Variants in CPM observed in about 807,000 individuals in gnomAD.
CPM encodes carboxypeptidase M.
In CPM, 35 loss-of-function variants were observed where a neutral mutation model predicts 46.4. The ratio of observed to expected loss-of-function variants is 0.75; its 90% CI spans 0.58 to 1.00. CPM has a LOEUF of 1.00. Among genes scored for constraint, CPM ranks in the 50% least tolerant of loss-of-function variants. The probability of loss-of-function intolerance (pLI) is 0.00; values close to 1 mark genes in which losing one functional copy is unlikely to be tolerated. For synonymous variants in CPM, 195 were observed against 195.3 expected, an observed-to-expected ratio of 1.00 and a Z score of 0.01; for missense variants, 422 against 530.4, an observed-to-expected ratio of 0.80 and a Z score of 2.01.
chr12:68,894,420 G>C (rs564512513), intron 2 of CPM, among the ~76,000 whole-genome samples: 1 of 151,916 alleles, frequency 6.6e-6, no homozygotes, highest in Admixed American at 6.6e-5. Flanking sequence ...GTCTTCCCTC[G>C]GTGTTCAGGG....
intron 2 of CPM, among the ~76,000 whole-genome samples, chr12:68,916,888 CAA>C (rs779418018): frequency 2.6e-4 from 21 of 82,152 alleles, no homozygotes; most frequent in Admixed American, 2.8e-4. Flanking sequence ...ACTCTTGTCT[CAA>C]AAAAAAAAAA....
At position 68,854,385 on chromosome 12, in the gene CPM, T is replaced by G. The variant is rs966948442; in HGVS notation, c.*2052A>C. The G allele has an allele frequency of 2.0e-5, 3 of 152,230 alleles. No individual in the cohort carries two copies. The highest frequency in any genetic ancestry group is 2.9e-5 in the Non-Finnish European group (2 of 68,040). 9.4% of individuals were successfully genotyped at this position (152,230 alleles called of 1,614,324 possible). A position where few individuals can be genotyped will look rare whatever the true frequency, so the allele number is the denominator to read the frequency against. On this transcript the variant is annotated 3_prime_UTR_variant, in exon 9 of 9. Transcript: ENST00000551568. The stretch of plus-strand genomic sequence containing the variant: ...GACCTTGGCCTCAAAGAGCTCACAT[T>G]CTACTAGAGAAGGCACACATGGAGA...
At chr12:68,945,294 T>A (rs567943219) in intron 1 of CPM, among the ~76,000 whole-genome samples, 1 of 152,324 alleles carries the variant, frequency 6.6e-6, no homozygotes, top group South Asian at 2.1e-4. Flanking sequence ...CCTCCCATGG[T>A]TAGCTCTTTG....
chr12:68,910,645 AT>A (rs1348106051), intron 2 of CPM, among the ~76,000 whole-genome samples: 1 of 152,150 alleles, frequency 6.6e-6, no homozygotes, highest in East Asian at 1.9e-4. Flanking sequence ...TTAAACTATT[AT>A]TTTTTTAAAA....
intron 3 of CPM, among the ~76,000 whole-genome samples, chr12:68,873,687 A>T (rs987649081): frequency 2.0e-5 from 3 of 149,148 alleles, no homozygotes; most frequent in Non-Finnish European, 4.5e-5. Context: ...AAAAAAAAAG[A>T]AAGAAAGAAA....
upstream of CPM, among the ~76,000 whole-genome samples, chr12:68,935,935 C>T (rs1378809367): frequency 6.6e-6 from 1 of 152,060 alleles, no homozygotes; most frequent in Non-Finnish European, 1.5e-5. Context: ...ATGGTGGCTT[C>T]ATCAATACTG....
intron 1 of CPM, among the ~76,000 whole-genome samples, chr12:68,948,248 T>C (rs1224750766): frequency 6.6e-6 from 1 of 152,152 alleles, no homozygotes; most frequent in Non-Finnish European, 1.5e-5. Context: ...CCGCTAACAA[T>C]TTATTTTTTG....
At chr12:68,869,249 G>T in intron 6 of CPM, 76 bp downstream of exon 6, 1 of 1,418,024 alleles carries the variant, frequency 7.1e-7, no homozygotes, top group African/African-American at 1.4e-5. Flanking sequence ...TTTAACAACT[G>T]CTGGATCAAA....
At chr12:68,871,575 G>C in intron 4 of CPM, 1 of 570,934 alleles carries the variant, frequency 1.8e-6, no homozygotes, top group South Asian at 2.3e-5. Context: ...AGGCTAGGTG[G>C]GCACCGGGGC....
At chr12:68,961,508 C>A (rs1889111882) in intron 1 of CPM, among the ~76,000 whole-genome samples, 1 of 152,072 alleles carries the variant, frequency 6.6e-6, no homozygotes, top group Non-Finnish European at 1.5e-5. Context: ...CCCAGGTTGA[C>A]CTTGAACTCC....
chr12:68,921,468 TG>T (rs1888041004), intron 2 of CPM, among the ~76,000 whole-genome samples: 1 of 152,116 alleles, frequency 6.6e-6, no homozygotes, highest in South Asian at 2.1e-4. Context: ...AAGGCAGGGG[TG>T]AGTGTGATGG....
intron 2 of CPM, among the ~76,000 whole-genome samples, chr12:68,927,575 C>A: frequency 6.6e-6 from 1 of 152,058 alleles, no homozygotes; most frequent in East Asian, 1.9e-4. Flanking sequence ...TTAATTAGAT[C>A]CCATTTGTCA....
At chr12:68,895,125 G>C (rs1886817262) in intron 2 of CPM, among the ~76,000 whole-genome samples, 1 of 151,660 alleles carries the variant, frequency 6.6e-6, no homozygotes, top group Non-Finnish European at 1.5e-5. Flanking sequence ...GTGTCTACCA[G>C]GTAAATCATG....
Position 68,856,296 on chromosome 12 carries a change from GA to G in CPM, c.*140del. 1 of 951,680 alleles carries G rather than the reference GA, an allele frequency of 1.1e-6. No homozygotes were observed. The allele number at this position is 951,680 out of a possible 1,614,324, so 59.0% of individuals were successfully genotyped here. Reference sequence around the variant, plus strand: ...CACATATTGCTTATTGTGGAATTTGGAAACATCCATTTCTCTTCTTCAGGAA... The same window carrying G: ...CACATATTGCTTATTGTGGAATTTGGAACATCCATTTCTCTTCTTCAGGAA... On this transcript the variant is annotated 3_prime_UTR_variant, in exon 9 of 9. Transcript: ENST00000551568.
At chr12:68,955,505 G>T (rs944740794) in intron 1 of CPM, among the ~76,000 whole-genome samples, 6 of 67,292 alleles carry the variant, frequency 8.9e-5, no homozygotes, top group African/African-American at 1.5e-4. Context: ...GTGTGGGGGT[G>T]GGGGGGGCAT....
intron 2 of CPM, among the ~76,000 whole-genome samples, chr12:68,886,418 G>T (rs1592661758): frequency 6.6e-6 from 1 of 152,012 alleles, no homozygotes; most frequent in Non-Finnish European, 1.5e-5. Flanking sequence ...AGATCACGAG[G>T]TCAGGAGATC....
At chr12:68,847,196 T>TCATATATATATATATATATATATATA (rs1884363867), downstream of CPM, 1 of 92,080 alleles carries the variant, frequency 1.1e-5, no homozygotes, top group Non-Finnish European at 2.1e-5. Flanking sequence ...TGTGTGTACA[T>TCATATATATATATATATATATATATA]TATATATATA....
At chr12:68,872,090 C>T (rs1885726811) in intron 3 of CPM, 134 bp from the exon 4 acceptor site, 5 of 882,630 alleles carry the variant, frequency 5.7e-6, no homozygotes, top group African/African-American at 1.7e-5. Flanking sequence ...TAAGATCACT[C>T]TTTCTCAAGC....
chr12:68,912,265 A>G (rs924815410), intron 2 of CPM, among the ~76,000 whole-genome samples: 1 of 152,166 alleles, frequency 6.6e-6, no homozygotes, highest in Admixed American at 6.5e-5. Flanking sequence ...TTGGCCTCCC[A>G]AAGTGGTGGG....
Sources: gnomAD v4.1 joint callset for allele counts (sites outside exome capture counted in the v4.1 genomes callset) on GRCh38, gnomAD v4.1.1 for gene constraint, MANE v1.5 for transcripts, NCBI Gene and HGNC (gene_info 2026-07-23, HGNC 2026-07-21) for gene names.